Variants in DSCAM observed in about 807,000 individuals in gnomAD.
DSCAM encodes cell adhesion molecule DSCAM.
Under a neutral mutation model 217.7 loss-of-function variants are expected in DSCAM, and 47 were observed. The observed-to-expected ratio is 0.22, with a 90% CI of 0.17 to 0.28. The LOEUF is 0.28. DSCAM is among the 10% of genes least tolerant of loss of function. DSCAM has a pLI of 1.00. For synonymous variants in DSCAM, 1,056 were observed against 1,015.3 expected, an observed-to-expected ratio of 1.04 and a Z score of -0.76; for missense variants, 2,080 against 2,618.3, an observed-to-expected ratio of 0.79 and a Z score of 4.49.
chr21:40,514,030 A>G (rs1219365276), intron 3 of DSCAM, among the ~76,000 whole-genome samples: 1 of 152,186 alleles, frequency 6.6e-6, no homozygotes, highest in African/African-American at 2.4e-5. Flanking sequence ...AGAATTCATA[A>G]GGAACCTCCA....
In DSCAM at chr21:40,302,494, A is replaced by G. The variant is rs139065982; in HGVS notation, c.2063-6320T>C. On this transcript the variant is annotated intron_variant, in intron 9 of 32. Transcript: ENST00000400454. ...ATTAGCCAGTCTTGGGTATGTCTTT[A>G]TCAGCAGCATAAAAATGGACTAATA... 2.8e-3 allele frequency among the ~76,000 whole-genome samples: 426 copies of G among 152,294 alleles called. 4 individuals are homozygous for G. The highest frequency in any genetic ancestry group is 9.8e-3 in the African/African-American group (407 of 41,568).
intron 3 of DSCAM, among the ~76,000 whole-genome samples, chr21:40,406,817 C>T (rs527678762): frequency 1.5e-4 from 23 of 152,110 alleles, no homozygotes; most frequent in Non-Finnish European, 3.1e-4. Context: ...CAGGGTTTCA[C>T]CGTGTTGGCC....
At chr21:40,530,779 G>A (rs945587550) in intron 3 of DSCAM, among the ~76,000 whole-genome samples, 22 of 152,176 alleles carry the variant, frequency 1.4e-4, no homozygotes, top group Non-Finnish European at 2.8e-4. Context: ...CGCTCGATAA[G>A]GGAGTCACAA....
At chr21:40,489,366 A>C (rs978050728) in intron 3 of DSCAM, among the ~76,000 whole-genome samples, 3 of 152,182 alleles carry the variant, frequency 2.0e-5, no homozygotes, top group African/African-American at 4.8e-5. Flanking sequence ...CTTTGAACTT[A>C]AACTGCAACA....
chr21:40,207,727 T>C (rs530809775), intron 11 of DSCAM, among the ~76,000 whole-genome samples: 5 of 152,222 alleles, frequency 3.3e-5, no homozygotes, highest in Admixed American at 2.6e-4. Flanking sequence ...TAAATTATCA[T>C]GGATTGGCCT....
At chr21:40,107,644 T>C (rs1466283652) in intron 20 of DSCAM, among the ~76,000 whole-genome samples, 2 of 152,156 alleles carry the variant, frequency 1.3e-5, no homozygotes, top group Non-Finnish European at 2.9e-5. Flanking sequence ...CTAAGTCTCT[T>C]TGATGGTCTC....
intron 1 of DSCAM, among the ~76,000 whole-genome samples, chr21:40,840,121 T>A (rs2092088100): frequency 6.7e-6 from 1 of 150,338 alleles, no homozygotes; most frequent in African/African-American, 2.5e-5. Context: ...AATTTGATTT[T>A]TATATTTGGA....
chr21:40,357,219 T>C (rs185617726), intron 4 of DSCAM, among the ~76,000 whole-genome samples: 1 of 152,348 alleles, frequency 6.6e-6, no homozygotes, highest in East Asian at 1.9e-4. Flanking sequence ...TTGCTTCATT[T>C]ACCTGCTTCT....
At chr21:40,360,238 T>C (rs1234529004) in intron 4 of DSCAM, among the ~76,000 whole-genome samples, 1 of 147,902 alleles carries the variant, frequency 6.8e-6, no homozygotes, top group Admixed American at 6.8e-5. Flanking sequence ...GTTCACACCA[T>C]TCTCCTGCCT....
chr21:40,333,990 A>T (rs2074403136), intron 8 of DSCAM, among the ~76,000 whole-genome samples: 1 of 152,208 alleles, frequency 6.6e-6, no homozygotes, highest in Non-Finnish European at 1.5e-5. Context: ...GAAATCTAAA[A>T]ATAGGTAAAC....
At chr21:40,583,032 A>T (rs1345046046) in intron 3 of DSCAM, among the ~76,000 whole-genome samples, 2 of 152,220 alleles carry the variant, frequency 1.3e-5, no homozygotes, top group Admixed American at 6.5e-5. Flanking sequence ...TCAGTAAAAA[A>T]ATATATATAG....
intron 1 of DSCAM, among the ~76,000 whole-genome samples, chr21:40,840,701 C>T (rs2092093638): frequency 6.6e-6 from 1 of 152,024 alleles, no homozygotes; most frequent in Non-Finnish European, 1.5e-5. Flanking sequence ...ACATTTCTAC[C>T]GTGATTGAGT....
Position 40,312,193 on chromosome 21 carries a change from G to A in DSCAM, c.1950C>T (p.Phe650=). The change falls in exon 9 of 33, where the codon TTC becomes TTT. Residue 650 remains phenylalanine (F), a synonymous_variant. Transcript: ENST00000400454. ...SLGVTIDNID[F]TSSLRISNLS... is the part of the protein sequence containing the mutation. ...GATTGGAAATCCTCAAGGAGCTCGT[G>A]AAGTCAATATTGTCAATGGTCACCC... 1 of 1,614,066 alleles carries A rather than the reference G, an allele frequency of 6.2e-7. No individual in the cohort carries two copies. Among genetic ancestry groups the A allele is most frequent in the Non-Finnish European group, 8.5e-7 (1 of 1,180,004 alleles).
intron 11 of DSCAM, among the ~76,000 whole-genome samples, chr21:40,264,879 A>G (rs762827252): frequency 6.6e-5 from 10 of 152,218 alleles, no homozygotes; most frequent in Non-Finnish European, 1.2e-4. Flanking sequence ...ACTGCTATAT[A>G]CCAACAATGA....
intron 3 of DSCAM, among the ~76,000 whole-genome samples, chr21:40,444,538 T>G (rs1177472794): frequency 6.6e-6 from 1 of 152,164 alleles, no homozygotes; most frequent in East Asian, 1.9e-4. Flanking sequence ...GAGAGAGAGA[T>G]GCTTTTAGAT....
chr21:40,291,248 C>G (rs1344762867), intron 10 of DSCAM, among the ~76,000 whole-genome samples: 2 of 152,252 alleles, frequency 1.3e-5, no homozygotes, highest in African/African-American at 4.8e-5. Context: ...GAACAGCTCT[C>G]CGGCTGAAAT....
chr21:40,491,339 G>T lies in DSCAM; in HGVS notation c.509-122094C>A, dbSNP rs759726921. On this transcript the variant is annotated intron_variant, in intron 3 of 32. Transcript: ENST00000400454. ...ATTCTACCTGCAAAATATGACCAGA[G>T]AGTGATTGCTTCTGCCTAACCTTTT... 3.9e-5 allele frequency among the ~76,000 whole-genome samples: 6 copies of T among 151,982 alleles called. 1 individual carries two copies. The highest frequency in any genetic ancestry group is 8.8e-5 in the Non-Finnish European group (6 of 68,006).
chr21:40,368,534 T>C (rs982951164), intron 4 of DSCAM, among the ~76,000 whole-genome samples: 1 of 152,254 alleles, frequency 6.6e-6, no homozygotes, highest in Non-Finnish European at 1.5e-5. Flanking sequence ...CAGTACATTA[T>C]CAAGGACAAA....
chr21:40,782,754 TA>T (rs147111604), intron 1 of DSCAM, among the ~76,000 whole-genome samples: 8,861 of 151,582 alleles, frequency 0.058, 841 homozygotes, highest in African/African-American at 0.2. Flanking sequence ...ATAAAATAAA[TA>T]AAAAAAAATC....
Sources: gnomAD v4.1 joint callset for allele counts (sites outside exome capture counted in the v4.1 genomes callset) on GRCh38, gnomAD v4.1.1 for gene constraint, MANE v1.5 for transcripts, NCBI Gene and HGNC (gene_info 2026-07-23, HGNC 2026-07-21) for gene names.